The following PCCA variants were observed in gnomAD, a reference collection of about 807,000 sequenced individuals.
PCCA encodes the protein propionyl-CoA carboxylase alpha chain, mitochondrial.
A neutral mutation model predicts 101.3 loss-of-function variants in PCCA; 74 were observed. That is an observed-to-expected ratio of 0.73 (90% CI 0.61 to 0.89). The LOEUF (loss-of-function observed/expected upper bound fraction) is 0.89. Ranked by LOEUF, PCCA falls within the 40% of genes least tolerant of loss-of-function variation. The probability of loss-of-function intolerance (pLI) is 0.00; values close to 1 mark genes in which losing one functional copy is unlikely to be tolerated. For missense variants in PCCA, 891 were observed against 907.0 expected (o/e 0.98, Z 0.23); for synonymous variants, 294 against 313.6 (o/e 0.94, Z 0.66).
intron 16 of PCCA, among the ~76,000 whole-genome samples, chr13:100,319,128 GTCT>G (rs2067712970): frequency 6.6e-6 from 1 of 152,206 alleles, no homozygotes. Flanking sequence ...CTGCATAAAT[GTCT>G]TCTTTTGAGA....
At chr13:100,260,724 G>A (rs1001032758) in intron 9 of PCCA, among the ~76,000 whole-genome samples, 4 of 151,958 alleles carry the variant, frequency 2.6e-5, no homozygotes, top group Non-Finnish European at 5.9e-5. Context: ...AATATTACTA[G>A]GTGGACTGTA....
chr13:100,216,686 A>G (rs1038928058), intron 7 of PCCA, among the ~76,000 whole-genome samples: 60 of 152,226 alleles, frequency 3.9e-4, no homozygotes, highest in Non-Finnish European at 1.0e-4. Flanking sequence ...GAAACCAAAA[A>G]CCAAGAGAAA....
At chr13:100,359,047 C>G (rs1234584145) in intron 18 of PCCA, among the ~76,000 whole-genome samples, 3 of 132,028 alleles carry the variant, frequency 2.3e-5, no homozygotes, top group African/African-American at 8.7e-5. Context: ...TTGCAGTGAG[C>G]TGAGATCGTG....
Position 100,111,985 on chromosome 13 carries a change from T to A in PCCA, c.232-8T>A. On this transcript the variant is annotated splice_region_variant and splice_polypyrimidine_tract_variant and intron_variant, in intron 3 of 23. Coordinates refer to ENST00000376285, the MANE Select transcript of PCCA (RefSeq NM_000282.4). ...ACTATTAATAGACATTAATATATTT[T>A]AAAATAGGTTATTAGAACTTGCAAG... 6.3e-7 allele frequency: 1 copy of A among 1,599,118 alleles called. No individual in the cohort carries two copies. The highest frequency in any genetic ancestry group is 8.6e-7 in the Non-Finnish European group (1 of 1,167,808).
rs558556785 is a variant in PCCA, at chr13:100,442,695, A to G, written c.1846-6557A>G. Among the ~76,000 whole-genome samples, 100 of 152,318 alleles carry G rather than the reference A, an allele frequency of 6.6e-4. 1 individual carries two copies. The South Asian group carries it at 0.01, about 16-fold the overall frequency. On this transcript the variant is annotated intron_variant, in intron 20 of 23. Transcript: ENST00000376285. Reference sequence around the variant, plus strand: ...ATACTAAACATGTAAATACCTAAATAAGGTGATTTTAGTACTAAGAAGTTG... The same window carrying G: ...ATACTAAACATGTAAATACCTAAATGAGGTGATTTTAGTACTAAGAAGTTG...
chr13:100,479,175 C>A (rs1210116835), intron 21 of PCCA, among the ~76,000 whole-genome samples: 1 of 152,156 alleles, frequency 6.6e-6, no homozygotes, highest in Non-Finnish European at 1.5e-5. Context: ...CCTCAAATCC[C>A]AGGTAAACTC....
At chr13:100,429,619 T>C (rs1326278816) in intron 20 of PCCA, among the ~76,000 whole-genome samples, 1 of 152,032 alleles carries the variant, frequency 6.6e-6, no homozygotes, top group Non-Finnish European at 1.5e-5. Context: ...GTATTATTAT[T>C]ATTTTGAGAC....
chr13:100,112,014 A>T lies in PCCA; in HGVS notation c.253A>T (p.Met85Leu), dbSNP rs2048365544. The T allele has an allele frequency of 6.2e-7, 1 of 1,610,062 alleles. No individual in the cohort carries two copies. The highest frequency in any genetic ancestry group is 8.5e-7 in the Non-Finnish European group (1 of 1,177,768). Residue 85 changes from methionine to leucine, a missense_variant, in exon 4 of 24, where the codon ATG (methionine) becomes TTG (leucine). By Grantham distance (15) the Met-to-Leu change is conservative (BLOSUM62 2). Coordinates refer to ENST00000376285, the MANE Select transcript of PCCA (RefSeq NM_000282.4). ...ATAGGTTATTAGAACTTGCAAGAAG[A>T]TGGGCATTAAGACAGTTGCCATCCA... ...ACRVIRTCKKMGIKTVAIHSD... is the reference protein window; with the variant it reads ...ACRVIRTCKKLGIKTVAIHSD...
At chr13:100,229,961 C>T (rs1335955854) in intron 7 of PCCA, among the ~76,000 whole-genome samples, 1 of 152,216 alleles carries the variant, frequency 6.6e-6, no homozygotes, top group Non-Finnish European at 1.5e-5. Flanking sequence ...ACTTATAAAA[C>T]CGCTGCTCTG....
chr13:100,188,904 A>G (rs1160423918), intron 6 of PCCA, among the ~76,000 whole-genome samples: 5 of 149,770 alleles, frequency 3.3e-5, no homozygotes, highest in Non-Finnish European at 5.9e-5. Flanking sequence ...TTTTTAAATT[A>G]TACTTTAAGT....
At chr13:100,276,414 T>G (rs981982838) in intron 12 of PCCA, among the ~76,000 whole-genome samples, 1 of 152,190 alleles carries the variant, frequency 6.6e-6, no homozygotes, top group African/African-American at 2.4e-5. Flanking sequence ...CCTTTAACTT[T>G]TTGCTGATTC....
At chr13:100,507,194 T>C (rs1594062353) in intron 21 of PCCA, among the ~76,000 whole-genome samples, 1 of 152,342 alleles carries the variant, frequency 6.6e-6, no homozygotes, top group South Asian at 2.1e-4. Context: ...TGTTCTATTT[T>C]GTGCATTCTG....
At chr13:100,145,029 C>T (rs1049284061) in intron 4 of PCCA, among the ~76,000 whole-genome samples, 5 of 152,072 alleles carry the variant, frequency 3.3e-5, no homozygotes, top group Admixed American at 6.6e-5. Flanking sequence ...GCAGATGATT[C>T]GTAAACAGGT....
chr13:100,301,836 A>T (rs149793828), intron 13 of PCCA, among the ~76,000 whole-genome samples: 1 of 152,336 alleles, frequency 6.6e-6, no homozygotes, highest in African/African-American at 2.4e-5. Flanking sequence ...ATAGCTACCA[A>T]TCCTTTAAGA....
intron 21 of PCCA, among the ~76,000 whole-genome samples, chr13:100,487,335 C>A (rs2084465253): frequency 6.6e-6 from 1 of 152,142 alleles, no homozygotes; most frequent in African/African-American, 2.4e-5. Flanking sequence ...AAGTATCACA[C>A]CATGAATTTT....
At chr13:100,295,845 G>A (rs2065485410) in intron 12 of PCCA, among the ~76,000 whole-genome samples, 2 of 152,242 alleles carry the variant, frequency 1.3e-5, no homozygotes, top group South Asian at 2.1e-4. Context: ...CACACACTGC[G>A]TCTTTCTGAC....
chr13:100,110,801 T>C (rs887762239), intron 2 of PCCA, among the ~76,000 whole-genome samples: 6 of 152,028 alleles, frequency 3.9e-5, no homozygotes, highest in African/African-American at 1.4e-4. Flanking sequence ...AGTGTTTTTT[T>C]TGTTTATTTA....
At chr13:100,232,757 T>G (rs371302436) in intron 7 of PCCA, among the ~76,000 whole-genome samples, 1 of 152,134 alleles carries the variant, frequency 6.6e-6, no homozygotes, top group African/African-American at 2.4e-5. Context: ...CTGAAACAAG[T>G]TCTCCCTAGT....
chr13:100,269,727 T>G (rs1485788797), intron 11 of PCCA, among the ~76,000 whole-genome samples: 2 of 152,224 alleles, frequency 1.3e-5, no homozygotes, highest in Admixed American at 1.3e-4. Context: ...CATATCTTGA[T>G]ATAATGCCTA....
Sources: allele counts gnomAD v4.1 joint callset (sites outside exome capture counted in the v4.1 genomes callset), GRCh38; gene constraint gnomAD v4.1.1; transcripts MANE v1.5; gene names NCBI Gene and HGNC (gene_info 2026-07-23, HGNC 2026-07-21).